Variants in NKAIN3 observed in about 807,000 individuals in gnomAD.
NKAIN3 encodes the protein sodium/potassium transporting ATPase interacting 3.
Under a neutral mutation model 30.2 loss-of-function variants are expected in NKAIN3, and 25 were observed. The ratio of observed to expected loss-of-function variants is 0.83; its 90% CI spans 0.60 to 1.16. The LOEUF is 1.16. Among genes scored for constraint, NKAIN3 ranks in the 50% most tolerant of loss-of-function variants. The probability of loss-of-function intolerance (pLI) is 0.00; values close to 1 mark genes in which losing one functional copy is unlikely to be tolerated. For synonymous variants in NKAIN3, 91 were observed against 89.6 expected (o/e 1.02, Z -0.09); for missense variants, 225 against 254.1 (o/e 0.89, Z 0.78).
At chr8:62,893,030 A>T (rs1360467026) in intron 4 of NKAIN3, among the ~76,000 whole-genome samples, 1 of 152,118 alleles carries the variant, frequency 6.6e-6, no homozygotes, top group African/African-American at 2.4e-5. Flanking sequence ...AAATTGTATA[A>T]TTTTTTCACA....
At chr8:62,958,982 C>T (rs1379044242) in intron 6 of NKAIN3, among the ~76,000 whole-genome samples, 2 of 152,212 alleles carry the variant, frequency 1.3e-5, no homozygotes, top group African/African-American at 4.8e-5. Flanking sequence ...AAAAGCTGAC[C>T]TGAGATTCCC....
chr8:62,886,240 C>T (rs928888029), intron 4 of NKAIN3, among the ~76,000 whole-genome samples: 1 of 151,918 alleles, frequency 6.6e-6, no homozygotes, highest in Non-Finnish European at 1.5e-5. Context: ...TAACACTATA[C>T]CAGTTCCCAG....
chr8:62,733,719 T>C (rs1815556165), intron 3 of NKAIN3, among the ~76,000 whole-genome samples: 1 of 152,178 alleles, frequency 6.6e-6, no homozygotes, highest in East Asian at 1.9e-4. Context: ...TCTGATCAGA[T>C]GTGTATCAAA....
At chr8:62,803,230 C>A (rs144072471) in intron 4 of NKAIN3, among the ~76,000 whole-genome samples, 2,102 of 151,970 alleles carry the variant, frequency 0.014, 50 homozygotes, top group African/African-American at 0.049. Context: ...GCAAGGATAC[C>A]CAGGAATTGA....
chr8:62,988,884 G>T (rs1427883792), downstream of NKAIN3, among the ~76,000 whole-genome samples: 2 of 152,108 alleles, frequency 1.3e-5, no homozygotes, highest in African/African-American at 4.8e-5. Context: ...CAAACTTTTA[G>T]GCTCTGCTTC....
At chr8:62,641,395 G>T (rs1206095763) in intron 3 of NKAIN3, among the ~76,000 whole-genome samples, 3 of 147,866 alleles carry the variant, frequency 2.0e-5, no homozygotes, top group African/African-American at 7.8e-5. Context: ...GCTGAACTCT[G>T]TTTAATGTAG....
intron 3 of NKAIN3, among the ~76,000 whole-genome samples, chr8:62,705,793 G>T (rs1176975176): frequency 6.6e-6 from 1 of 152,102 alleles, no homozygotes; most frequent in African/African-American, 2.4e-5. Flanking sequence ...AAAGCAACCT[G>T]TTCATGGTTT....
intron 1 of NKAIN3, among the ~76,000 whole-genome samples, chr8:62,394,763 C>T (rs1817686111): frequency 6.7e-6 from 1 of 149,266 alleles, no homozygotes; most frequent in South Asian, 2.1e-4. Flanking sequence ...GGCAGAGGCG[C>T]TCATCACTTC....
At chr8:62,600,068 T>C (rs955394615) in intron 3 of NKAIN3, among the ~76,000 whole-genome samples, 1 of 152,160 alleles carries the variant, frequency 6.6e-6, no homozygotes, top group African/African-American at 2.4e-5. Context: ...CAATCTGTCT[T>C]AATGGCATCT....
At chr8:62,444,928 G>T (rs1437094952) in intron 1 of NKAIN3, among the ~76,000 whole-genome samples, 5 of 151,962 alleles carry the variant, frequency 3.3e-5, no homozygotes, top group Non-Finnish European at 7.4e-5. Context: ...ATATCTCATT[G>T]GAGTTTGGAT....
intron 1 of NKAIN3, among the ~76,000 whole-genome samples, chr8:62,363,636 A>G (rs777744268): frequency 1.3e-5 from 2 of 152,216 alleles, no homozygotes; most frequent in Non-Finnish European, 2.9e-5. Flanking sequence ...CAAAAATTAC[A>G]ATACAAAAAA....
At chr8:62,431,864 G>GAA (rs5891856) in intron 1 of NKAIN3, among the ~76,000 whole-genome samples, 183 of 133,496 alleles carry the variant, frequency 1.4e-3, no homozygotes, top group African/African-American at 2.1e-3. Flanking sequence ...TTATAAAAAG[G>GAA]AAAAAAAAAA....
At chr8:62,475,257 A>T (rs1026952654) in intron 1 of NKAIN3, among the ~76,000 whole-genome samples, 8 of 152,198 alleles carry the variant, frequency 5.3e-5, no homozygotes, top group African/African-American at 1.7e-4. Context: ...ATTATTTGGA[A>T]ACATACCTGA....
At chr8:62,468,709 A>T (rs1806234296) in intron 1 of NKAIN3, among the ~76,000 whole-genome samples, 1 of 152,206 alleles carries the variant, frequency 6.6e-6, no homozygotes, top group African/African-American at 2.4e-5. Context: ...TAATAAATGC[A>T]TTATGAGTGT....
At position 62,984,460 on chromosome 8, in the gene NKAIN3, T is replaced by C. The variant is rs1365171025; in HGVS notation, c.*19053T>C. ...TGCCAGCAAAGATGTCTCTTGATCT[T>C]GACACTGGAATTCAATGTAAAAATC... On this transcript the variant is annotated 3_prime_UTR_variant, in exon 7 of 7. Coordinates refer to ENST00000623646, the MANE Select transcript of NKAIN3 (RefSeq NM_001304533.3). 3 of 152,240 alleles carry C rather than the reference T, an allele frequency of 2.0e-5. No homozygotes were observed. Among genetic ancestry groups the C allele is most frequent in the Non-Finnish European group, 4.4e-5 (3 of 68,036 alleles). The allele number at this position is 152,240 out of a possible 1,614,324, so 9.4% of individuals were successfully genotyped here.
intron 1 of NKAIN3, among the ~76,000 whole-genome samples, chr8:62,295,219 T>A (rs1376624479): frequency 6.6e-6 from 1 of 152,192 alleles, no homozygotes; most frequent in African/African-American, 2.4e-5. Context: ...TATAAGGGAA[T>A]GTGCCCTTGT....
At chr8:62,749,590 G>T (rs1302622883) in intron 4 of NKAIN3, among the ~76,000 whole-genome samples, 1 of 151,404 alleles carries the variant, frequency 6.6e-6, no homozygotes, top group African/African-American at 2.4e-5. Context: ...ATGTATTAGT[G>T]GTGTGACTGA....
At chr8:62,744,680 T>C (rs1816010785) in intron 3 of NKAIN3, among the ~76,000 whole-genome samples, 1 of 152,204 alleles carries the variant, frequency 6.6e-6, no homozygotes, top group Admixed American at 6.5e-5. Flanking sequence ...GCAATCAGTG[T>C]GCATCTCTGA....
chr8:62,928,270 T>C (rs1201254494), intron 5 of NKAIN3, among the ~76,000 whole-genome samples: 1 of 152,218 alleles, frequency 6.6e-6, no homozygotes, highest in African/African-American at 2.4e-5. Context: ...AACAAACTAG[T>C]GTTTCCATTT....
Sources: allele counts gnomAD v4.1 joint callset (sites outside exome capture counted in the v4.1 genomes callset), GRCh38; gene constraint gnomAD v4.1.1; transcripts MANE v1.5; gene names NCBI Gene and HGNC (gene_info 2026-07-23, HGNC 2026-07-21).